ANKRD44: variants seen among roughly 807,000 people sequenced by gnomAD.
ANKRD44 encodes ankyrin repeat domain 44, also known as serine/threonine-protein phosphatase 6 regulatory ankyrin repeat subunit B.
Under a neutral mutation model 116.0 loss-of-function variants are expected in ANKRD44, and 35 were observed. The ratio of observed to expected loss-of-function variants is 0.30; its 90% CI spans 0.23 to 0.40. The LOEUF is 0.40. Among genes scored for constraint, ANKRD44 ranks in the 10% least tolerant of loss-of-function variants. The probability of loss-of-function intolerance (pLI) is 1.00; values close to 1 mark genes in which losing one functional copy is unlikely to be tolerated. For synonymous variants in ANKRD44, 435 were observed against 461.8 expected, an observed-to-expected ratio of 0.94 and a Z score of 0.74; for missense variants, 1,014 against 1,242.6, an observed-to-expected ratio of 0.82 and a Z score of 2.77.
chr2:196,981,522 T>A (rs2075800929), intron 21 of ANKRD44, among the ~76,000 whole-genome samples: 1 of 152,116 alleles, frequency 6.6e-6, no homozygotes, highest in Non-Finnish European at 1.5e-5. Context: ...ACACCTATAA[T>A]CCCAGCAGTG....
rs1233029867 is a variant in ANKRD44, at chr2:197,005,832, T to C, written c.2209A>G (p.Arg737Gly). Residue 737 changes from arginine to glycine, a missense_variant, in exon 21 of 28, where the codon AGG becomes GGG. Coordinates refer to ENST00000282272, the MANE Select transcript of ANKRD44 (RefSeq NM_001195144.2). ...VSILCKDSRG[R>G]TPLHYAAARG... The stretch of plus-strand genomic sequence containing the variant: ...GCAGCTGCATAGTGCAAGGGCGTCC[T>C]CCCTCTGGAATCTTTACAGAGAATT... 1.2e-6 allele frequency: 2 copies of C among 1,614,154 alleles called. No individual in the cohort carries two copies.
Position 197,268,650 on chromosome 2 carries a change from G to A in ANKRD44, c.27+41928C>T, listed in dbSNP as rs963317630. 1.5e-4 allele frequency among the ~76,000 whole-genome samples: 23 copies of A among 152,188 alleles called. No homozygotes were observed. The South Asian group carries it at 2.1e-3, about 14-fold the overall frequency. Reference sequence around the variant, plus strand: ...AAAGCTGATTCCACTTGCACCAGCCGATACCCAGGTGACTTTTTTAAAATG... The same window carrying A: ...AAAGCTGATTCCACTTGCACCAGCCAATACCCAGGTGACTTTTTTAAAATG... On this transcript the variant is annotated intron_variant, in intron 1 of 27. Coordinates refer to ENST00000282272, the MANE Select transcript of ANKRD44 (RefSeq NM_001195144.2).
intron 16 of ANKRD44, among the ~76,000 whole-genome samples, chr2:197,058,266 C>T (rs2077241496): frequency 6.6e-6 from 1 of 152,188 alleles, no homozygotes; most frequent in African/African-American, 2.4e-5. Context: ...TCTACTGCTT[C>T]ACTCCATGCC....
intron 27 of ANKRD44, chr2:196,990,921 G>A (rs1448402947): frequency 5.6e-5 from 69 of 1,232,280 alleles, no homozygotes; most frequent in Non-Finnish European, 6.9e-5. Context: ...CAGGGCCGGG[G>A]TATGACCTGG....
intron 1 of ANKRD44, among the ~76,000 whole-genome samples, chr2:197,227,877 A>G (rs1224832106): frequency 6.6e-6 from 1 of 152,250 alleles, no homozygotes; most frequent in African/African-American, 2.4e-5. Context: ...AAATGTAGAG[A>G]TAATTTATAT....
At chr2:196,991,755 T>C (rs1388577894) in intron 27 of ANKRD44, among the ~76,000 whole-genome samples, 1 of 39,286 alleles carries the variant, frequency 2.5e-5, no homozygotes, top group Non-Finnish European at 7.9e-5. Context: ...TGATTTTTTC[T>C]TTTTTTGGTT....
rs577149427 is a variant in ANKRD44, at chr2:196,995,580, G to A, written c.2749-119C>T. The A allele has an allele frequency of 3.0e-5, 21 of 702,274 alleles. No individual in the cohort carries two copies. The East Asian group carries it at 4.7e-4, about 16-fold the overall frequency. 43.5% of individuals were successfully genotyped at this position (702,274 alleles called of 1,614,324 possible). A position where few individuals can be genotyped will look rare whatever the true frequency, so the allele number is the denominator to read the frequency against. On this transcript the variant is annotated intron_variant, in intron 25 of 27. Coordinates refer to ENST00000282272, the MANE Select transcript of ANKRD44 (RefSeq NM_001195144.2). ...GTCGTCTGCCTAAGAACATTCTATA[G>A]GGCTATTTTCTGAGTAATTTTTTTT...
intron 18 of ANKRD44, among the ~76,000 whole-genome samples, chr2:197,011,373 A>G (rs138856715): frequency 2.8e-4 from 42 of 152,202 alleles, no homozygotes; most frequent in East Asian, 1.9e-3. Flanking sequence ...AACTCACCCA[A>G]TGTGTTAGAT....
chr2:197,147,169 C>T (rs1574548444), intron 2 of ANKRD44, 64 bp from the exon 3 acceptor site: 1 of 1,340,952 alleles, frequency 7.5e-7, no homozygotes, highest in East Asian at 2.3e-5. Context: ...CTTTTGTAGA[C>T]ATAGTAAGAC....
chr2:196,986,624 T>C (rs987721883), downstream of ANKRD44: 4 of 861,330 alleles, frequency 4.6e-6, no homozygotes, highest in African/African-American at 5.5e-5. Context: ...ATTAGCATAA[T>C]TTAGAAAAAG....
At chr2:197,062,472 T>C (rs2077336410) in intron 16 of ANKRD44, among the ~76,000 whole-genome samples, 1 of 152,238 alleles carries the variant, frequency 6.6e-6, no homozygotes, top group African/African-American at 2.4e-5. Context: ...TAAAATTGGA[T>C]ACCCTACTTA....
intron 1 of ANKRD44, among the ~76,000 whole-genome samples, chr2:197,275,332 C>A (rs1004734746): frequency 6.7e-6 from 1 of 149,630 alleles, no homozygotes; most frequent in East Asian, 2.0e-4. Context: ...CCAGGCTGGT[C>A]TTGAACTCCT....
At chr2:197,142,865 T>A (rs2079400216) in intron 3 of ANKRD44, among the ~76,000 whole-genome samples, 1 of 151,944 alleles carries the variant, frequency 6.6e-6, no homozygotes, top group African/African-American at 2.4e-5. Flanking sequence ...TATGGCCAGA[T>A]GTGGTGGCTC....
At chr2:197,055,513 T>C (rs1379254778) in intron 16 of ANKRD44, among the ~76,000 whole-genome samples, 1 of 152,184 alleles carries the variant, frequency 6.6e-6, no homozygotes, top group African/African-American at 2.4e-5. Flanking sequence ...TTAAAAAATC[T>C]TTTTCTGTGA....
intron 3 of ANKRD44, among the ~76,000 whole-genome samples, chr2:197,137,681 A>C (rs2079253872): frequency 6.6e-6 from 1 of 152,230 alleles, no homozygotes; most frequent in Admixed American, 6.5e-5. Flanking sequence ...CATAATCCCT[A>C]AAACAAAGAC....
At chr2:197,034,934 T>C (rs2076781116) in intron 16 of ANKRD44, among the ~76,000 whole-genome samples, 1 of 152,188 alleles carries the variant, frequency 6.6e-6, no homozygotes, top group Admixed American at 6.5e-5. Flanking sequence ...AGATGCACAA[T>C]GGAGTTTTTG....
chr2:197,039,690 T>TGTGTGTGTGTGC (rs2076873547), intron 16 of ANKRD44, among the ~76,000 whole-genome samples: 2 of 27,200 alleles, frequency 7.4e-5, no homozygotes, highest in South Asian at 2.4e-3. Flanking sequence ...CGTGTGTGTG[T>TGTGTGTGTGTGC]GTGTGTGTGT....
At chr2:197,039,002 TGGGTTAAAATGATTTA>T (rs1574328555) in intron 16 of ANKRD44, among the ~76,000 whole-genome samples, 2 of 152,234 alleles carry the variant, frequency 1.3e-5, no homozygotes, top group Admixed American at 6.5e-5. Context: ...ACAGCAGCTT[TGGGTTAAAATGATTTA>T]AGTAGTGGGA....
intron 8 of ANKRD44, among the ~76,000 whole-genome samples, chr2:197,111,397 C>T (rs965979773): frequency 6.6e-6 from 1 of 152,212 alleles, no homozygotes; most frequent in Non-Finnish European, 1.5e-5. Flanking sequence ...AATCCCAGCA[C>T]TTTGGGAGGC....
Sources: allele counts gnomAD v4.1 joint callset (sites outside exome capture counted in the v4.1 genomes callset), GRCh38; gene constraint gnomAD v4.1.1; transcripts MANE v1.5; gene names NCBI Gene and HGNC (gene_info 2026-07-23, HGNC 2026-07-21).